The following PTPDC1 variants were observed in gnomAD, a reference collection of about 807,000 sequenced individuals.
PTPDC1 encodes protein tyrosine phosphatase domain-containing protein 1.
A neutral mutation model predicts 75.3 loss-of-function variants in PTPDC1; 53 were observed. That is an observed-to-expected ratio of 0.70 (90% CI 0.56 to 0.88). PTPDC1 has a LOEUF of 0.88. Among genes scored for constraint, PTPDC1 ranks in the 40% least tolerant of loss-of-function variants. PTPDC1 has a pLI of 0.00. For missense variants in PTPDC1, 925 were observed against 998.6 expected (o/e 0.93, Z 0.99); for synonymous variants, 349 against 366.2 (o/e 0.95, Z 0.54).
intron 4 of PTPDC1, among the ~76,000 whole-genome samples, chr9:94,094,327 G>T (rs1437865792): frequency 7.2e-6 from 1 of 139,144 alleles, no homozygotes. Flanking sequence ...CAGGTCTGTT[G>T]GAATACCCTG....
chr9:94,098,758 G>A, intron 6 of PTPDC1, 179 bp downstream of exon 6: 2 of 631,244 alleles, frequency 3.2e-6, no homozygotes, highest in East Asian at 5.5e-5. Context: ...AAAAACACAG[G>A]GTGTTTGTAT....
At chr9:94,041,732 C>G (rs902843584) in intron 1 of PTPDC1, among the ~76,000 whole-genome samples, 9 of 152,188 alleles carry the variant, frequency 5.9e-5, no homozygotes, top group African/African-American at 2.2e-4. Flanking sequence ...GTTTTGAGCA[C>G]TTCCCTACTT....
chr9:94,059,642 C>T (rs10125538), intron 1 of PTPDC1, among the ~76,000 whole-genome samples: 35,853 of 151,926 alleles, frequency 0.24, 4,464 homozygotes, highest in East Asian at 0.42. Context: ...GCATAAGAAC[C>T]GGAGGTCTAA....
chr9:94,070,488 A>G (rs772464646), intron 2 of PTPDC1, among the ~76,000 whole-genome samples: 1 of 152,250 alleles, frequency 6.6e-6, no homozygotes, highest in African/African-American at 2.4e-5. Context: ...ACATGCAAAT[A>G]TAAGAAATAA....
chr9:94,077,650 C>T (rs926587826), intron 2 of PTPDC1, among the ~76,000 whole-genome samples: 1 of 152,194 alleles, frequency 6.6e-6, no homozygotes, highest in African/African-American at 2.4e-5. Flanking sequence ...CTCCAGCAAC[C>T]TCCATGTTCT....
intron 1 of PTPDC1, among the ~76,000 whole-genome samples, chr9:94,050,044 T>A (rs997021214): frequency 2.0e-5 from 3 of 152,230 alleles, no homozygotes; most frequent in African/African-American, 4.8e-5. Context: ...GTAGTTCTCG[T>A]GGCTTGGTTT....
intron 2 of PTPDC1, among the ~76,000 whole-genome samples, chr9:94,074,666 TC>T (rs960153896): frequency 1.3e-5 from 2 of 152,106 alleles, no homozygotes; most frequent in Non-Finnish European, 2.9e-5. Flanking sequence ...ATGTTGACTA[TC>T]CTGCTTCACA....
chr9:94,036,931 A>C (rs1402818996), intron 1 of PTPDC1, among the ~76,000 whole-genome samples: 1 of 152,218 alleles, frequency 6.6e-6, no homozygotes, highest in Non-Finnish European at 1.5e-5. Flanking sequence ...AAGGAAAGTT[A>C]CCTTGTCCTA....
intron 8 of PTPDC1, among the ~76,000 whole-genome samples, chr9:94,107,265 G>A (rs1159116382): frequency 6.6e-6 from 1 of 152,186 alleles, no homozygotes; most frequent in Non-Finnish European, 1.5e-5. Context: ...GTTGAGGTTT[G>A]TATATATGTG....
At chr9:94,104,230 G>A in intron 7 of PTPDC1, 45 bp from the exon 8 acceptor site, 1 of 1,368,560 alleles carries the variant, frequency 7.3e-7, no homozygotes, top group African/African-American at 1.4e-5. Flanking sequence ...ATTTATTGAG[G>A]CATTTTTTGA....
chr9:94,097,911 G>A lies in PTPDC1; in HGVS notation c.1345G>A (p.Asp449Asn). Reference sequence around the variant, plus strand: ...TCTGAAAAGGCGGCTCAGCTACAGTGACTCAGATTTAAAGAGGGCCGAGAA... The same window carrying A: ...TCTGAAAAGGCGGCTCAGCTACAGTAACTCAGATTTAAAGAGGGCCGAGAA... ...THLKRRLSYSDSDLKRAENLL... is the reference protein window; with the variant it reads ...THLKRRLSYSNSDLKRAENLL... The change falls in exon 6 of 9, where the codon GAC becomes AAC. Residue 449 changes from aspartate (D) to asparagine (N), a missense_variant. Physicochemically the swap from Asp to Asn is conservative, Grantham distance 23. Coordinates refer to ENST00000620992, the MANE Select transcript of PTPDC1 (RefSeq NM_001253829.2). The A allele has an allele frequency of 6.2e-7, 1 of 1,614,176 alleles. No individual in the cohort carries two copies. The highest frequency in any genetic ancestry group is 8.5e-7 in the Non-Finnish European group (1 of 1,180,042).
At chr9:94,103,356 C>T (rs3847307) in intron 7 of PTPDC1, among the ~76,000 whole-genome samples, 85,534 of 151,954 alleles carry the variant, frequency 0.56, 24,311 homozygotes, top group Admixed American at 0.68. Flanking sequence ...AGGTAGAGGC[C>T]CATTTCACAG....
chr9:94,085,616 G>A (rs776981083), intron 2 of PTPDC1, among the ~76,000 whole-genome samples, 194 bp downstream of exon 2: 1 of 152,080 alleles, frequency 6.6e-6, no homozygotes, highest in Admixed American at 6.5e-5. Context: ...TCTGTAAGGT[G>A]GAAATAATAA....
chr9:94,031,379 T>C (rs1399235709), intron 1 of PTPDC1, among the ~76,000 whole-genome samples: 2 of 151,990 alleles, frequency 1.3e-5, no homozygotes, highest in Non-Finnish European at 2.9e-5. Context: ...CTGGAAGCGA[T>C]CTCAGATTTT....
At chr9:94,045,492 C>T (rs1275532274) in intron 1 of PTPDC1, among the ~76,000 whole-genome samples, 2 of 152,152 alleles carry the variant, frequency 1.3e-5, no homozygotes, top group Non-Finnish European at 2.9e-5. Flanking sequence ...TCTCCACATC[C>T]TCTCCAGCAC....
chr9:94,067,282 C>G (rs868406732), intron 2 of PTPDC1, among the ~76,000 whole-genome samples: 1 of 151,638 alleles, frequency 6.6e-6, no homozygotes, highest in Non-Finnish European at 1.5e-5. Flanking sequence ...CCCAGCTACT[C>G]GAGAGGCTGA....
chr9:94,054,360 T>A (rs1181374149), intron 1 of PTPDC1, among the ~76,000 whole-genome samples: 1 of 152,186 alleles, frequency 6.6e-6, no homozygotes, highest in Non-Finnish European at 1.5e-5. Flanking sequence ...TAGGTCTGCA[T>A]ATACATTCTC....
At chr9:94,083,869 A>G (rs1826973029), upstream of PTPDC1, among the ~76,000 whole-genome samples, 2 of 152,262 alleles carry the variant, frequency 1.3e-5, no homozygotes. Flanking sequence ...GAAAATGAAC[A>G]CATGAAGTTA....
intron 1 of PTPDC1, among the ~76,000 whole-genome samples, chr9:94,040,221 G>A (rs981036507): frequency 1.3e-4 from 20 of 152,138 alleles, no homozygotes; most frequent in African/African-American, 4.3e-4. Flanking sequence ...TTTAGAGTTT[G>A]ATTAATTACA....
Sources: allele counts gnomAD v4.1 joint callset (sites outside exome capture counted in the v4.1 genomes callset), GRCh38; gene constraint gnomAD v4.1.1; transcripts MANE v1.5; gene names NCBI Gene and HGNC (gene_info 2026-07-23, HGNC 2026-07-21).